NCK2: variants seen among roughly 807,000 people sequenced by gnomAD.
The protein encoded by NCK2 is NCK adaptor protein 2.
NCK2 carries 16 observed loss-of-function variants against 33.9 expected under a neutral mutation model. The ratio of observed to expected loss-of-function variants is 0.47; its 90% CI spans 0.32 to 0.72. The LOEUF is 0.72. NCK2 is among the 30% of genes least tolerant of loss of function. The probability of loss-of-function intolerance (pLI) is 0.03; values close to 1 mark genes in which losing one functional copy is unlikely to be tolerated. For missense variants in NCK2, 418 were observed against 537.3 expected, an observed-to-expected ratio of 0.78 and a Z score of 2.19; for synonymous variants, 273 against 239.9, an observed-to-expected ratio of 1.14 and a Z score of -1.27.
At chr2:105,882,453 TG>T (rs1678544880) in intron 4 of NCK2, among the ~76,000 whole-genome samples, 1 of 152,234 alleles carries the variant, frequency 6.6e-6, no homozygotes, top group Non-Finnish European at 1.5e-5. Context: ...GACTGGTGGC[TG>T]GTTTCTGACA....
At chr2:105,827,997 T>C (rs1676018011) in intron 2 of NCK2, among the ~76,000 whole-genome samples, 3 of 152,214 alleles carry the variant, frequency 2.0e-5, no homozygotes, top group African/African-American at 4.8e-5. Context: ...TTATGTAGAA[T>C]GTAGCCATTA....
At chr2:105,799,121 C>T (rs149542632) in intron 1 of NCK2, among the ~76,000 whole-genome samples, 9 of 152,172 alleles carry the variant, frequency 5.9e-5, no homozygotes, top group Non-Finnish European at 1.0e-4. Flanking sequence ...GTCTGTCCTT[C>T]GTGTCCTAAG....
intron 3 of NCK2, among the ~76,000 whole-genome samples, chr2:105,875,915 G>A (rs544724811): frequency 2.0e-5 from 3 of 152,184 alleles, no homozygotes; most frequent in Non-Finnish European, 2.9e-5. Context: ...CAGTGTAAGA[G>A]TTAAAATCCT....
chr2:105,842,366 G>A lies in NCK2; in HGVS notation c.-16-12682G>A, dbSNP rs530294524. The stretch of plus-strand genomic sequence containing the variant: ...CTCTCAAAGTGTTGGGATTACAGGC[G>A]TGAGCCACTGCACCCAGCTTGTTTT... On this transcript the variant is annotated intron_variant, in intron 2 of 4. Transcript: ENST00000233154. Among the ~76,000 whole-genome samples the A allele has an allele frequency of 1.5e-3, 231 of 152,226 alleles. 1 individual carries two copies. The highest frequency in any genetic ancestry group is 5.2e-3 in the African/African-American group (216 of 41,550).
At chr2:105,869,566 C>T (rs984709802) in intron 3 of NCK2, among the ~76,000 whole-genome samples, 5 of 152,208 alleles carry the variant, frequency 3.3e-5, no homozygotes, top group Non-Finnish European at 7.3e-5. Flanking sequence ...GTGCCACCTG[C>T]GTGTTCCCCC....
At chr2:105,744,707 C>A (rs537304703), upstream of NCK2, among the ~76,000 whole-genome samples, 48 of 151,424 alleles carry the variant, frequency 3.2e-4, no homozygotes, top group African/African-American at 1.2e-3. Flanking sequence ...GGCGCGGAGC[C>A]TGGCGACGAC....
chr2:105,815,014 T>G (rs914397195), intron 1 of NCK2, among the ~76,000 whole-genome samples: 14 of 152,216 alleles, frequency 9.2e-5, no homozygotes, highest in Admixed American at 3.9e-4. Context: ...TTGCTGATGT[T>G]CAGTGGTGTC....
chr2:105,795,519 G>A (rs1161078048), intron 1 of NCK2, among the ~76,000 whole-genome samples: 5 of 152,116 alleles, frequency 3.3e-5, no homozygotes, highest in Non-Finnish European at 5.9e-5. Context: ...AAAATACATG[G>A]ATATTCCTGT....
At chr2:105,870,501 T>G (rs1257875428) in intron 3 of NCK2, among the ~76,000 whole-genome samples, 4 of 152,104 alleles carry the variant, frequency 2.6e-5, no homozygotes, top group Non-Finnish European at 5.9e-5. Context: ...ACACCTGTAA[T>G]TCCCAGCACA....
At chr2:105,879,220 C>A (rs1249683536) in intron 3 of NCK2, among the ~76,000 whole-genome samples, 1 of 151,788 alleles carries the variant, frequency 6.6e-6, no homozygotes, top group Non-Finnish European at 1.5e-5. Context: ...AATGTTATTT[C>A]TTGACATCAT....
chr2:105,865,902 A>ATATTATTATTATTAT (rs61440392), intron 3 of NCK2, among the ~76,000 whole-genome samples: 10,168 of 148,728 alleles, frequency 0.068, 487 homozygotes, highest in East Asian at 0.13. Context: ...AAAGACAGAG[A>ATATTATTATTATTAT]TATTATTATT....
intron 2 of NCK2, among the ~76,000 whole-genome samples, chr2:105,835,928 A>G (rs1476131415): frequency 6.6e-6 from 1 of 150,752 alleles, no homozygotes; most frequent in Non-Finnish European, 1.5e-5. Flanking sequence ...GAGGCTCTCA[A>G]TTTTTTTATT....
chr2:105,884,705 T>C (rs1483367967), intron 4 of NCK2, among the ~76,000 whole-genome samples: 2 of 152,228 alleles, frequency 1.3e-5, no homozygotes, highest in African/African-American at 4.8e-5. Context: ...CTGTTGGATA[T>C]GTTAGATGAA....
At chr2:105,797,557 T>C (rs1474992655) in intron 1 of NCK2, among the ~76,000 whole-genome samples, 1 of 152,220 alleles carries the variant, frequency 6.6e-6, no homozygotes, top group East Asian at 1.9e-4. Flanking sequence ...TGACAGCGTC[T>C]TAGGGTCAGG....
chr2:105,893,142 G>A lies in NCK2; in HGVS notation c.1109G>A (p.Gly370Glu). 6.2e-7 allele frequency: 1 copy of A among 1,610,356 alleles called. No individual in the cohort carries two copies. The highest frequency in any genetic ancestry group is 8.5e-7 in the Non-Finnish European group (1 of 1,178,206). The change falls in exon 5 of 5, where the codon GGG becomes GAG. Residue 370 changes from glycine to glutamate, a missense_variant. Transcript: ENST00000233154. ...KKAPIFTSEHGEKLYLVRALQ is the reference protein window; with the variant it reads ...KKAPIFTSEHEEKLYLVRALQ ...GCGCCCATCTTCACCAGCGAGCACG[G>A]GGAGAAGCTCTACCTCGTCAGGGCC...
chr2:105,842,071 T>C (rs368380822), intron 2 of NCK2, among the ~76,000 whole-genome samples: 1 of 151,844 alleles, frequency 6.6e-6, no homozygotes, highest in Non-Finnish European at 1.5e-5. Context: ...AAAGTAGTAA[T>C]AGTATTTGTG....
chr2:105,862,559 G>T (rs576599492), intron 3 of NCK2, among the ~76,000 whole-genome samples: 1 of 152,262 alleles, frequency 6.6e-6, no homozygotes, highest in Non-Finnish European at 1.5e-5. Context: ...TTGTACGTTT[G>T]GGGGGACTCT....
At position 105,749,528 on chromosome 2, in the gene NCK2, CAG is replaced by C. The variant is rs1441498190; in HGVS notation, c.-201+4393_-201+4394del. Among the ~76,000 whole-genome samples, 5 of 152,170 alleles carry C rather than the reference CAG, an allele frequency of 3.3e-5. 1 individual carries two copies. The highest frequency in any genetic ancestry group is 4.1e-4 in the South Asian group (2 of 4,830). ...TTTCTAGGTAGGAGACTGGGGATGA[CAG>C]AGCTTGAATTTAGGTTAAGTCCTTC... On this transcript the variant is annotated intron_variant, in intron 1 of 4. Transcript: ENST00000233154.
chr2:105,830,673 GT>G (rs1471120911), intron 2 of NCK2, among the ~76,000 whole-genome samples: 227 of 57,306 alleles, frequency 4.0e-3, no homozygotes, highest in Admixed American at 8.9e-3. Context: ...GGAATTTGGT[GT>G]GTGTGTGTGT....
Sources: allele counts gnomAD v4.1 joint callset (sites outside exome capture counted in the v4.1 genomes callset), GRCh38; gene constraint gnomAD v4.1.1; transcripts MANE v1.5; gene names NCBI Gene and HGNC (gene_info 2026-07-23, HGNC 2026-07-21).